PKD1L1: variants seen among roughly 807,000 people sequenced by gnomAD.
PKD1L1 encodes the protein polycystin 1 like 1, transient receptor potential channel interacting.
Under a neutral mutation model 323.4 loss-of-function variants are expected in PKD1L1, and 236 were observed. That is an observed-to-expected ratio of 0.73 (90% CI 0.66 to 0.81). The LOEUF (loss-of-function observed/expected upper bound fraction) is 0.81, where lower values mean the gene tolerates loss of function less well. Among genes scored for constraint, PKD1L1 ranks in the 40% least tolerant of loss-of-function variants. PKD1L1 has a pLI of 0.00. For synonymous variants in PKD1L1, 1,344 were observed against 1,335.0 expected, an observed-to-expected ratio of 1.01 and a Z score of -0.15; for missense variants, 3,320 against 3,508.0, an observed-to-expected ratio of 0.95 and a Z score of 1.35.
Position 47,859,753 on chromosome 7 carries a change from G to A in PKD1L1, c.4150-868C>T, listed in dbSNP as rs577569179. On this transcript the variant is annotated intron_variant, in intron 26 of 56. Transcript: ENST00000289672. ...GCAATTCTCTGCCTCAGCCTCCCGA[G>A]TAGCTGGGATCACAGGCACCCACCA... 3.3e-5 allele frequency among the ~76,000 whole-genome samples: 5 copies of A among 151,870 alleles called. No individual in the cohort carries two copies. In the South Asian group the frequency reaches 1.0e-3, roughly 32 times the overall value.
chr7:47,799,061 A>T lies in PKD1L1; in HGVS notation c.8193+1588T>A, dbSNP rs758778451. Among the ~76,000 whole-genome samples the T allele has an allele frequency of 2.2e-4, 34 of 152,320 alleles. No individual in the cohort carries two copies. In the Middle Eastern group the frequency reaches 0.01, roughly 46 times the overall value. ...TGTATATGCCAGTCTTCCCCTATGG[A>T]CTGTGAGCTCCCTGAGGCAGGAAGC... On this transcript the variant is annotated intron_variant, in intron 54 of 56. Coordinates refer to ENST00000289672, the MANE Select transcript of PKD1L1 (RefSeq NM_138295.5).
chr7:47,807,236 C>T (rs186778356), intron 52 of PKD1L1, among the ~76,000 whole-genome samples: 1 of 152,052 alleles, frequency 6.6e-6, no homozygotes, highest in East Asian at 2.0e-4. Context: ...TTCCTCTAGC[C>T]TAGGGAGTTT....
intron 45 of PKD1L1, among the ~76,000 whole-genome samples, 186 bp from the exon 46 acceptor site, chr7:47,821,372 G>T (rs1030120632): frequency 5.3e-5 from 8 of 152,010 alleles, no homozygotes; most frequent in Admixed American, 1.3e-4. Flanking sequence ...GGGTTCAAGC[G>T]ATTCTCCTGT....
At chr7:47,912,764 C>T (rs750295166) in intron 8 of PKD1L1, among the ~76,000 whole-genome samples, 17 of 141,590 alleles carry the variant, frequency 1.2e-4, no homozygotes, top group Non-Finnish European at 2.3e-4. Flanking sequence ...TGCAGTGAGC[C>T]GAGATCATGC....
At chr7:47,935,389 C>T (rs1361293518) in intron 4 of PKD1L1, among the ~76,000 whole-genome samples, 2 of 152,000 alleles carry the variant, frequency 1.3e-5, no homozygotes, top group Admixed American at 1.3e-4. Context: ...ATCAGATTTC[C>T]GGGGGACAGA....
intron 21 of PKD1L1, among the ~76,000 whole-genome samples, chr7:47,879,259 G>A (rs1370566821): frequency 1.3e-5 from 2 of 152,188 alleles, no homozygotes; most frequent in African/African-American, 4.8e-5. Context: ...AGTTCACAGA[G>A]AATGCAAGTT....
At chr7:47,775,838 A>T (rs896920447) in intron 56 of PKD1L1, among the ~76,000 whole-genome samples, 5 of 151,962 alleles carry the variant, frequency 3.3e-5, no homozygotes, top group African/African-American at 1.2e-4. Context: ...AAATAGAGAA[A>T]ACGAATGAAA....
chr7:47,850,413 C>T (rs1451097548), intron 31 of PKD1L1, among the ~76,000 whole-genome samples: 1 of 152,030 alleles, frequency 6.6e-6, no homozygotes, highest in South Asian at 2.1e-4. Context: ...GGATGGATGA[C>T]CCGAGGTCAG....
At position 47,834,995 on chromosome 7, in the gene PKD1L1, T is replaced by C; in HGVS notation, c.6099A>G (p.Arg2033=). The change falls in exon 39 of 57, where the codon AGA becomes AGG. Residue 2033 remains arginine (R), a synonymous_variant. Transcript: ENST00000289672. The part of the protein sequence containing the change: ...SARVEPHSPL[R]GGAQTEAPHG... Reference sequence around the variant, plus strand: ...GGGGTGCCTCGGTCTGTGCTCCTCCTCTAAGTGGGCTGTGTGGCTCCACTC... The same window carrying C: ...GGGGTGCCTCGGTCTGTGCTCCTCCCCTAAGTGGGCTGTGTGGCTCCACTC... 1 of 1,613,966 alleles carries C rather than the reference T, an allele frequency of 6.2e-7. No individual in the cohort carries two copies. The highest frequency in any genetic ancestry group is 1.1e-5 in the South Asian group (1 of 91,042).
chr7:47,949,368 C>CAA (rs58131581), upstream of PKD1L1, among the ~76,000 whole-genome samples: 18 of 57,076 alleles, frequency 3.2e-4, no homozygotes, highest in Non-Finnish European at 5.4e-4. Context: ...GGCTCTGTCT[C>CAA]AAAAAAAAAA....
At position 47,775,076 on chromosome 7, in the gene PKD1L1, T is replaced by C. The variant is rs202211663; in HGVS notation, c.*67A>G. On this transcript the variant is annotated 3_prime_UTR_variant, in exon 57 of 57. Transcript: ENST00000289672. Reference sequence around the variant, plus strand: ...TCACCTGCAAAACTAGGATGTCTGCTAAAATTGGCTGTTGGGTGGGTTAAG... The same window carrying C: ...TCACCTGCAAAACTAGGATGTCTGCCAAAATTGGCTGTTGGGTGGGTTAAG... The C allele has an allele frequency of 5.7e-4, 881 of 1,555,480 alleles. 2 individuals are homozygous for C. Among genetic ancestry groups the C allele is most frequent in the Middle Eastern group, 3.2e-3 (19 of 5,906 alleles).
chr7:47,778,330 C>T (rs774133353), intron 56 of PKD1L1, among the ~76,000 whole-genome samples: 13 of 152,172 alleles, frequency 8.5e-5, no homozygotes, highest in South Asian at 2.1e-4. Context: ...ATTTTGACTC[C>T]GGGGCAAAGA....
At chr7:47,782,981 GTA>G (rs1168842979) in intron 56 of PKD1L1, among the ~76,000 whole-genome samples, 1 of 152,114 alleles carries the variant, frequency 6.6e-6, no homozygotes, top group African/African-American at 2.4e-5. Flanking sequence ...CATGGATGAG[GTA>G]TGTCTTTGGG....
rs575685527 is a variant in PKD1L1 at position 47,946,101 on chromosome 7, G to A, written c.44+2296C>T. ...GTGAGGAGGCAGGTCCCCAGGCCCT[G>A]GCACAGAATCAGCACCATTTTCACA... On this transcript the variant is annotated intron_variant, in intron 1 of 56. Coordinates refer to ENST00000289672, the MANE Select transcript of PKD1L1 (RefSeq NM_138295.5). The surrounding 1 kb of genome is among the most constrained non-coding windows in gnomAD (Gnocchi z 4.1). 6.6e-6 allele frequency among the ~76,000 whole-genome samples: 1 copy of A among 152,284 alleles called. No homozygotes were observed. The highest frequency in any genetic ancestry group is 1.5e-5 in the Non-Finnish European group (1 of 68,022).
chr7:47,779,530 T>G (rs1325652934), intron 56 of PKD1L1, among the ~76,000 whole-genome samples: 1 of 152,192 alleles, frequency 6.6e-6, no homozygotes, highest in Non-Finnish European at 1.5e-5. Flanking sequence ...CCACCCACAC[T>G]TCTTGCTGAT....
Position 47,796,030 on chromosome 7 carries a change from C to G in PKD1L1, c.8314G>C (p.Glu2772Gln), listed in dbSNP as rs756022473. 14 of 1,613,138 alleles carry G rather than the reference C, an allele frequency of 8.7e-6. No individual in the cohort carries two copies. Among genetic ancestry groups the G allele is most frequent in the Non-Finnish European group, 1.2e-5 (14 of 1,179,758 alleles). The change falls in exon 55 of 57, where the codon GAA becomes CAA. Residue 2772 changes from glutamate (E) to glutamine (Q), a missense_variant. Coordinates refer to ENST00000289672, the MANE Select transcript of PKD1L1 (RefSeq NM_138295.5). ...TCAGCCTCTTCCAACTTTGGTGTTT[C>G]CAGTCTCAGAAAGGTGAGGACCTTT... ...WEKVLTFLRLETPKLEEAEMV... is the reference protein window; with the variant it reads ...WEKVLTFLRLQTPKLEEAEMV...
In PKD1L1 at chr7:47,839,043, T is replaced by C. The variant is rs757207472; in HGVS notation, c.5769+403A>G. On this transcript the variant is annotated intron_variant, in intron 36 of 56. Coordinates refer to ENST00000289672, the MANE Select transcript of PKD1L1 (RefSeq NM_138295.5). This position sits in a 1 kb window ranked among gnomAD's most constrained non-coding sequence, Gnocchi z 4.3. ...CTGTTATTCTGTCACTCTGGCTATC[T>C]CCTGCCATCCTGGACCTGACCACAT... Among the ~76,000 whole-genome samples, 77 of 152,142 alleles carry C rather than the reference T, an allele frequency of 5.1e-4. No individual in the cohort carries two copies. The highest frequency in any genetic ancestry group is 1.9e-4 in the Non-Finnish European group (13 of 68,018).
intron 26 of PKD1L1, among the ~76,000 whole-genome samples, chr7:47,862,138 T>C (rs1294010227): frequency 1.3e-5 from 2 of 151,568 alleles, no homozygotes; most frequent in Non-Finnish European, 2.9e-5. Flanking sequence ...GAGGTTTCAG[T>C]GAGCCAAGAT....
the PKD1L1 span, among the ~76,000 whole-genome samples, chr7:47,954,508 C>T: frequency 1.3e-5 from 2 of 152,182 alleles, no homozygotes; most frequent in African/African-American, 4.8e-5. Flanking sequence ...CCCACTTCTG[C>T]CTTGTGCCCT....
Sources: gnomAD v4.1 joint callset for allele counts (sites outside exome capture counted in the v4.1 genomes callset) on GRCh38, gnomAD v4.1.1 for gene constraint, Gnocchi (gnomAD v3.1) non-coding constraint, MANE v1.5 for transcripts, NCBI Gene and HGNC (gene_info 2026-07-23, HGNC 2026-07-21) for gene names.